WSB1: variants seen among roughly 807,000 people sequenced by gnomAD.
WSB1 encodes the protein WD repeat and SOCS box-containing protein 1.
A neutral mutation model predicts 50.2 loss-of-function variants in WSB1; 23 were observed. The ratio of observed to expected loss-of-function variants is 0.46; its 90% confidence interval spans 0.33 to 0.65. WSB1 has a LOEUF of 0.65. Among genes scored for constraint, WSB1 ranks in the 30% least tolerant of loss-of-function variants. The pLI is 0.02. For missense variants in WSB1, 492 were observed against 522.3 expected, an observed-to-expected ratio of 0.94 and a Z score of 0.56; for synonymous variants, 179 against 172.0, an observed-to-expected ratio of 1.04 and a Z score of -0.32.
At chr17:27,299,554 T>G (rs2017137234) in intron 1 of WSB1, among the ~76,000 whole-genome samples, 2 of 152,340 alleles carry the variant, frequency 1.3e-5, no homozygotes, top group South Asian at 4.1e-4. Context: ...TAATGTCATC[T>G]TATGCTGTGC....
At chr17:27,310,803 A>G (rs2017649491) in intron 7 of WSB1, among the ~76,000 whole-genome samples, 1 of 152,036 alleles carries the variant, frequency 6.6e-6, no homozygotes, top group South Asian at 2.1e-4. Flanking sequence ...GTATTTGTAG[A>G]CACACTCAGC....
chr17:27,309,791 C>T (rs372019052), intron 6 of WSB1, among the ~76,000 whole-genome samples: 1 of 152,112 alleles, frequency 6.6e-6, no homozygotes, highest in Admixed American at 6.6e-5. Flanking sequence ...CCATGTTGGT[C>T]AGGCTGGTCT....
At chr17:27,303,862 G>C in intron 3 of WSB1, 1 of 466,570 alleles carries the variant, frequency 2.1e-6, no homozygotes, top group Non-Finnish European at 3.7e-6. Context: ...GAGTATTACA[G>C]TAGGAAAGGG....
At chr17:27,304,172 A>G (rs1018249380) in intron 3 of WSB1, among the ~76,000 whole-genome samples, 1 of 152,230 alleles carries the variant, frequency 6.6e-6, no homozygotes, top group African/African-American at 2.4e-5. Flanking sequence ...GCATTAAAAG[A>G]ACATGTACAT....
chr17:27,300,434 A>G lies in WSB1; in HGVS notation c.41-1354A>G, dbSNP rs149755926. Among the ~76,000 whole-genome samples the G allele has an allele frequency of 2.0e-5, 3 of 152,308 alleles. No homozygotes were observed. The East Asian group carries it at 5.8e-4, about 29-fold the overall frequency. ...TTGAGGAAATTGTAGCTGAGTTTGC[A>G]TGCATGCATTGCAGTATGAGCTTGT... On this transcript the variant is annotated intron_variant, in intron 1 of 8. Transcript: ENST00000262394.
chr17:27,309,051 G>A, intron 5 of WSB1, 49 bp from the exon 6 acceptor site: 1 of 1,504,186 alleles, frequency 6.6e-7, no homozygotes, highest in Non-Finnish European at 8.9e-7. Flanking sequence ...GTGCCATTTT[G>A]TCCTCTGTAT....
intron 1 of WSB1, among the ~76,000 whole-genome samples, chr17:27,295,085 G>T (rs12306): frequency 0.33 from 50,329 of 152,042 alleles, 8,633 homozygotes; most frequent in Middle Eastern, 0.45. Flanking sequence ...TTAGTGTCTA[G>T]CCCTGGTCGG....
At position 27,314,936 on chromosome 17, in the gene WSB1, G is replaced by C. The variant is rs1178006314; in HGVS notation, c.*2567G>C. The stretch of plus-strand genomic sequence containing the variant: ...CCGCCTCGGCCTCCCAGAGTGCTGG[G>C]ATTATAGGTGTGAGCCACCGAACCT... On this transcript the variant is annotated 3_prime_UTR_variant, in exon 9 of 9. Coordinates refer to ENST00000262394, the MANE Select transcript of WSB1 (RefSeq NM_015626.10). 1 of 152,234 alleles carries C rather than the reference G, an allele frequency of 6.6e-6. No homozygotes were observed. The highest frequency in any genetic ancestry group is 2.4e-5 in the African/African-American group (1 of 41,454). The allele number at this position is 152,234 out of a possible 1,614,324, so 9.4% of individuals were successfully genotyped here.
intron 4 of WSB1, among the ~76,000 whole-genome samples, chr17:27,305,206 G>A (rs1184959680): frequency 6.6e-6 from 1 of 152,200 alleles, no homozygotes; most frequent in Non-Finnish European, 1.5e-5. Context: ...GGATTTTACA[G>A]GAACCAGTCT....
intron 7 of WSB1, among the ~76,000 whole-genome samples, chr17:27,310,618 C>G (rs2017641246): frequency 6.6e-6 from 1 of 152,196 alleles, no homozygotes; most frequent in African/African-American, 2.4e-5. Context: ...AAACTAGTTG[C>G]AACCATCTGT....
Position 27,312,426 on chromosome 17 carries a change from A to C in WSB1, c.*57A>C. 1 of 1,578,272 alleles carries C rather than the reference A, an allele frequency of 6.3e-7. No individual in the cohort carries two copies. Among genetic ancestry groups the C allele is most frequent in the Non-Finnish European group, 8.6e-7 (1 of 1,167,712 alleles). The stretch of plus-strand genomic sequence containing the variant: ...ACAGAATACACTTAACACAAACCTC[A>C]AGCTTTACTGACTTCAATTATCTGT... On this transcript the variant is annotated 3_prime_UTR_variant, in exon 9 of 9. Transcript: ENST00000262394.
Position 27,311,619 on chromosome 17 carries a change from A to G in WSB1, c.1106+3A>G. 7.1e-7 allele frequency: 1 copy of G among 1,402,596 alleles called. No homozygotes were observed. Among genetic ancestry groups the G allele is most frequent in the Non-Finnish European group, 9.8e-7 (1 of 1,021,362 alleles). The allele number at this position is 1,402,596 out of a possible 1,614,324, so 86.9% of individuals were successfully genotyped here. On this transcript the variant is annotated splice_donor_region_variant and intron_variant, in intron 8 of 8. Transcript: ENST00000262394. ...GATGGCAGTGTTTTAGCTGCTGGGTAAATATATTTTTCTCTTTTTTTTTTT... is the reference window on the plus strand; with the variant it reads ...GATGGCAGTGTTTTAGCTGCTGGGTGAATATATTTTTCTCTTTTTTTTTTT...
intron 7 of WSB1, 23 bp from the exon 8 acceptor site, chr17:27,311,486 T>TA: frequency 6.4e-7 from 1 of 1,567,146 alleles, no homozygotes; most frequent in South Asian, 1.2e-5. Flanking sequence ...TACAAGATAC[T>TA]AAATAATTTA....
rs1355879305 is a variant in WSB1, at chr17:27,310,057, T to A, written c.885-4T>A. On this transcript the variant is annotated splice_polypyrimidine_tract_variant and splice_region_variant and intron_variant, in intron 6 of 8. Coordinates refer to ENST00000262394, the MANE Select transcript of WSB1 (RefSeq NM_015626.10). ...ATCCACTGAAAACATATATTTGACCTCAGGCACCTGTTTCCCCCACCTACT... is the reference window on the plus strand; with the variant it reads ...ATCCACTGAAAACATATATTTGACCACAGGCACCTGTTTCCCCCACCTACT... The A allele has an allele frequency of 2.5e-6, 4 of 1,613,554 alleles. No individual in the cohort carries two copies. The highest frequency in any genetic ancestry group is 3.4e-6 in the Non-Finnish European group (4 of 1,179,602).
chr17:27,309,416 T>C, intron 6 of WSB1, 144 bp downstream of exon 6: 1 of 764,338 alleles, frequency 1.3e-6, no homozygotes, highest in South Asian at 2.5e-5. Flanking sequence ...CCTTGACTAA[T>C]GGAAAGCCTT....
chr17:27,299,182 G>T (rs2017115869), intron 1 of WSB1, among the ~76,000 whole-genome samples: 1 of 152,208 alleles, frequency 6.6e-6, no homozygotes, highest in African/African-American at 2.4e-5. Flanking sequence ...GTATGTTAAA[G>T]GTATCTGCAG....
chr17:27,302,498 G>A (rs892462567), intron 2 of WSB1: 13 of 150,772 alleles, frequency 8.6e-5, no homozygotes, highest in African/African-American at 3.2e-4. Flanking sequence ...TCTAACAAGT[G>A]TATATATATA....
At position 27,312,893 on chromosome 17, in the gene WSB1, T is replaced by C. The variant is rs2017741876; in HGVS notation, c.*524T>C. 2 of 152,158 alleles carry C rather than the reference T, an allele frequency of 1.3e-5. No homozygotes were observed. Among genetic ancestry groups the C allele is most frequent in the South Asian group, 2.1e-4 (1 of 4,874 alleles). The allele number at this position is 152,158 out of a possible 1,614,324, so 9.4% of individuals were successfully genotyped here. ...CTAAAAATACAAAAAAAAAAAAAAT[T>C]AGCCAGGCGTGGTGGTGCACACCTG... On this transcript the variant is annotated 3_prime_UTR_variant, in exon 9 of 9. Transcript: ENST00000262394.
chr17:27,299,377 G>A (rs960174149), intron 1 of WSB1, among the ~76,000 whole-genome samples: 2 of 151,998 alleles, frequency 1.3e-5, no homozygotes, highest in Non-Finnish European at 2.9e-5. Context: ...CGGGTGTAGT[G>A]GTGCATGTCT....
Sources: gnomAD v4.1 joint callset for allele counts (sites outside exome capture counted in the v4.1 genomes callset) on GRCh38, gnomAD v4.1.1 for gene constraint, MANE v1.5 for transcripts, NCBI Gene and HGNC (gene_info 2026-07-23, HGNC 2026-07-21) for gene names.